TAF1: variants seen among roughly 807,000 people sequenced by gnomAD.
The protein encoded by TAF1 is TATA-box binding protein associated factor 1.
Under a neutral mutation model 138.5 loss-of-function variants are expected in TAF1, and 2 were observed. That is an observed-to-expected ratio of 0.01 (90% CI 0.01 to 0.05). The LOEUF is 0.05. TAF1 is among the 10% of genes least tolerant of loss of function. TAF1 has a pLI of 1.00. For missense variants in TAF1, 709 were observed against 1,478.0 expected, an observed-to-expected ratio of 0.48 and a Z score of 8.53; for synonymous variants, 437 against 503.2, an observed-to-expected ratio of 0.87 and a Z score of 1.76.
At position 71,391,629 on chromosome X, in the gene TAF1, C is replaced by CTT. The variant is rs763621504; in HGVS notation, c.2782-924_2782-923dup. 4.8e-4 allele frequency among the ~76,000 whole-genome samples: 47 copies of CTT among 97,218 alleles called. 1 individual carries two copies. The highest frequency in any genetic ancestry group is 1.5e-3 in the African/African-American group (38 of 25,803). The allele number at this position is 97,218 out of a possible 115,157, so 84.4% of individuals were successfully genotyped here. On this transcript the variant is annotated intron_variant, in intron 18 of 37. Transcript: ENST00000423759. ...CATTTTCTTGCTAATCATATATACT[C>CTT]TTTTTTTTTTTTTTTTTGAGACAGA...
At position 71,366,454 on chromosome X, in the gene TAF1, A is replaced by G. The variant is rs2148107784; in HGVS notation, c.80A>G (p.Asn27Ser). ...GCGGGTTTCCTTTTCGGCAACATCA[A>G]TGGAGCCGGGCAGCTGGAGGGGGAA... ...SLAGFLFGNI[N>S]GAGQLEGESV... is the part of the protein sequence containing the mutation. Residue 27 changes from asparagine to serine, a missense_variant, in exon 1 of 38, where the codon AAT (asparagine) becomes AGT (serine). By Grantham distance (46) the Asn-to-Ser change is conservative. Transcript: ENST00000423759. 2.9e-6 allele frequency: 3 copies of G among 1,043,148 alleles called. No individual in the cohort carries two copies. The highest frequency in any genetic ancestry group is 5.2e-5 in the East Asian group (1 of 19,277). 86.0% of individuals were successfully genotyped at this position (1,043,148 alleles called of 1,213,427 possible). A position where few individuals can be genotyped will look rare whatever the true frequency, so the allele number is the denominator to read the frequency against.
At chrX:71,378,033 G>A (rs1029308412) in intron 6 of TAF1, 48 of 597,679 alleles carry the variant, frequency 8.0e-5, no homozygotes, top group Non-Finnish European at 1.2e-4. Context: ...GATGAGAGGG[G>A]TAGATGGTGA....
Position 71,366,401 on chromosome X carries a change from T to C in TAF1, c.27T>C (p.Asp9=), listed in dbSNP as rs2032476146. 3.3e-6 allele frequency: 4 copies of C among 1,207,319 alleles called. No homozygotes were observed. The highest frequency in any genetic ancestry group is 1.8e-5 in the South Asian group (1 of 56,634). Residue 9 remains aspartate, a synonymous_variant, in exon 1 of 38, where the codon GAT becomes GAC. Transcript: ENST00000423759. Reference sequence around the variant, plus strand: ...TGTCAGACACGGACAGCGACGAAGATTCCGCTGGAGGCGGCCCATTTTCTT... The same window carrying C: ...TGTCAGACACGGACAGCGACGAAGACTCCGCTGGAGGCGGCCCATTTTCTT... The part of the protein sequence containing the change: MSDTDSDE[D]SAGGGPFSLA...
intron 28 of TAF1, chrX:71,420,519 T>G: frequency 8.3e-7 from 1 of 1,205,669 alleles, no homozygotes; most frequent in Non-Finnish European, 1.1e-6. Flanking sequence ...CTCAATGACA[T>G]GATCACTGGG....
chrX:71,367,398 A>G, intron 1 of TAF1, 101 bp from the exon 2 acceptor site: 1 of 991,129 alleles, frequency 1.0e-6, no homozygotes, highest in Non-Finnish European at 1.4e-6. Context: ...GTCATTTTTC[A>G]TGTGGATTTG....
chrX:71,411,566 A>G (rs1250756695), intron 28 of TAF1, among the ~76,000 whole-genome samples: 1 of 112,541 alleles, frequency 8.9e-6, no homozygotes, highest in African/African-American at 3.2e-5. Context: ...CATGCTCCAT[A>G]TACTGTTCTC....
chrX:71,430,043 C>A (rs978740330), intron 32 of TAF1, among the ~76,000 whole-genome samples: 1 of 111,659 alleles, frequency 9.0e-6, no homozygotes, highest in African/African-American at 3.3e-5. Context: ...ATTGCAAAAA[C>A]ATGGAGTATT....
intron 23 of TAF1, among the ~76,000 whole-genome samples, chrX:71,398,367 G>C (rs992502870): frequency 9.0e-6 from 1 of 110,664 alleles, no homozygotes; most frequent in African/African-American, 3.3e-5. Context: ...AAACCTTAGA[G>C]ATTACTCAGG....
intron 12 of TAF1, 105 bp downstream of exon 12, chrX:71,383,269 A>T: frequency 1.1e-6 from 1 of 895,238 alleles, no homozygotes; most frequent in Non-Finnish European, 1.5e-6. Context: ...TTATTTTCTC[A>T]GATGTGATAG....
Position 71,397,250 on chromosome X carries a change from C to T in TAF1, c.3407-3C>T. ...TTGGAAATCTTTTCTACCTACCTTG[C>T]AGCAGCAGGCTCAGCAGCATCCGGA... On this transcript the variant is annotated splice_polypyrimidine_tract_variant and splice_region_variant and intron_variant, in intron 22 of 37. Transcript: ENST00000423759. The T allele has an allele frequency of 1.7e-6, 2 of 1,209,783 alleles. No homozygotes were observed. Among genetic ancestry groups the T allele is most frequent in the African/African-American group, 1.7e-5 (1 of 57,564 alleles).
intron 35 of TAF1, chrX:71,459,216 G>T: frequency 9.0e-7 from 1 of 1,115,653 alleles, no homozygotes; most frequent in Non-Finnish European, 1.2e-6. Flanking sequence ...GTATGATGAT[G>T]AGGAGGAGGA....
chrX:71,379,167 G>A, intron 8 of TAF1, 136 bp downstream of exon 8: 1 of 621,426 alleles, frequency 1.6e-6, no homozygotes, highest in Non-Finnish European at 2.4e-6. Flanking sequence ...CCAGGATGGA[G>A]TGCAATGGTG....
chrX:71,431,003 A>ATTTTTTT (rs41481947), intron 32 of TAF1, among the ~76,000 whole-genome samples: 1 of 68,595 alleles, frequency 1.5e-5, no homozygotes, highest in East Asian at 4.6e-4. Context: ...GCTCAGAAGA[A>ATTTTTTT]TTTTTTTTTT....
Position 71,471,070 on chromosome X carries a change from C to G in TAF1, c.1366+10267C>G, listed in dbSNP as rs754165311. 1.0e-4 allele frequency among the ~76,000 whole-genome samples: 11 copies of G among 108,380 alleles called. No individual in the cohort carries two copies. In the South Asian group the frequency reaches 4.5e-3, roughly 44 times the overall value. 94.1% of individuals were successfully genotyped at this position (108,380 alleles called of 115,157 possible). On this transcript the variant is annotated intron_variant and NMD_transcript_variant, in intron 13 of 14. Transcript: ENST00000373775. ...CTGTGGCTCACACCTATAATCCTAG[C>G]ACTTTGGGAGGCCGAGGCGGGAGAA...
intron 13 of TAF1, among the ~76,000 whole-genome samples, chrX:71,482,309 T>C (rs2039085690): frequency 8.9e-6 from 1 of 112,483 alleles, no homozygotes; most frequent in South Asian, 3.6e-4. Flanking sequence ...GAAACAGGTT[T>C]AGACAAAGCA....
At chrX:71,396,140 C>T (rs1484003404) in intron 22 of TAF1, among the ~76,000 whole-genome samples, 1 of 105,373 alleles carries the variant, frequency 9.5e-6, no homozygotes, top group African/African-American at 3.5e-5. Flanking sequence ...CAGAGTGAAA[C>T]TCCGTCTCAA....
At chrX:71,515,145 A>G (rs1305241594) in intron 13 of TAF1, among the ~76,000 whole-genome samples, 2 of 111,848 alleles carry the variant, frequency 1.8e-5, no homozygotes, top group Admixed American at 1.9e-4. Context: ...GACCAGTTAC[A>G]GGGCTGTTGC....
At chrX:71,481,164 A>AG (rs2039063369) in intron 13 of TAF1, among the ~76,000 whole-genome samples, 1 of 111,724 alleles carries the variant, frequency 9.0e-6, no homozygotes, top group East Asian at 2.8e-4. Flanking sequence ...CTGTGATCCC[A>AG]GCTACTCGGG....
chrX:71,412,728 T>C, intron 28 of TAF1, among the ~76,000 whole-genome samples: 1 of 111,296 alleles, frequency 9.0e-6, no homozygotes, highest in African/African-American at 3.3e-5. Context: ...GCTAGGGCTA[T>C]AGGCGCGTGC....
Sources: gnomAD v4.1 joint callset for allele counts (sites outside exome capture counted in the v4.1 genomes callset) on GRCh38, gnomAD v4.1.1 for gene constraint, MANE v1.5 for transcripts, NCBI Gene and HGNC (gene_info 2026-07-23, HGNC 2026-07-21) for gene names.